Variants in ZNF681 observed in about 807,000 individuals in gnomAD.
ZNF681 encodes zinc finger protein 681, also known as hypothetical protein FLJ31526.
In ZNF681, 37 loss-of-function variants were observed where a neutral mutation model predicts 56.0. That is an observed-to-expected ratio of 0.66 (90% CI 0.51 to 0.87). The LOEUF (loss-of-function observed/expected upper bound fraction) is 0.87, where lower values mean the gene tolerates loss of function less well. ZNF681 is among the 40% of genes least tolerant of loss of function. The pLI, the probability that ZNF681 is intolerant of heterozygous loss-of-function variation, is 0.00. For missense variants in ZNF681, 741 were observed against 744.9 expected, an observed-to-expected ratio of 0.99 and a Z score of 0.06; for synonymous variants, 225 against 248.6, an observed-to-expected ratio of 0.91 and a Z score of 0.89.
At position 23,739,909 on chromosome 19, in the gene ZNF681, A is replaced by G. The variant is rs1420458501; in HGVS notation, c.*3703T>C. On this transcript the variant is annotated 3_prime_UTR_variant, in exon 4 of 4. Coordinates refer to ENST00000402377, the MANE Select transcript of ZNF681 (RefSeq NM_138286.3). The stretch of plus-strand genomic sequence containing the variant: ...ATTACTCCAGGTTTCAAAATCACAG[A>G]GGTCATTTTACTATTTTGCAATGTT... 1 of 152,162 alleles carries G rather than the reference A, an allele frequency of 6.6e-6. No homozygotes were observed. The highest frequency in any genetic ancestry group is 1.5e-5 in the Non-Finnish European group (1 of 68,036). 9.4% of individuals were successfully genotyped at this position (152,162 alleles called of 1,614,324 possible).
At position 23,743,730 on chromosome 19, in the gene ZNF681, C is replaced by T. The variant is rs775928180; in HGVS notation, c.1820G>A (p.Gly607Glu). The change falls in exon 4 of 4, where the codon GGA (glycine) becomes GAA (glutamate). Residue 607 changes from glycine (G) to glutamate (E), a missense_variant. By Grantham distance (98) the Gly-to-Glu change is moderately conservative. Transcript: ENST00000402377. The part of the protein sequence containing the change: ...KAFNQSSNLT[G>E]HKKIHTGEKL... Reference sequence around the variant, plus strand: ...CTCACCAGTATGAATTTTCTTATGTCCAGTAAGGTTTGAGGACTGGTTAAA... The same window carrying T: ...CTCACCAGTATGAATTTTCTTATGTTCAGTAAGGTTTGAGGACTGGTTAAA... 6.2e-7 allele frequency: 1 copy of T among 1,612,774 alleles called. No individual in the cohort carries two copies. Among genetic ancestry groups the T allele is most frequent in the Admixed American group, 1.7e-5 (1 of 59,856 alleles).
Position 23,744,282 on chromosome 19 carries a change from TGGTA to T in ZNF681, c.1264_1267del (p.Tyr422SerfsTer132). The T allele has an allele frequency of 6.2e-7, 1 of 1,613,718 alleles. No individual in the cohort carries two copies. Among genetic ancestry groups the T allele is most frequent in the Non-Finnish European group, 8.5e-7 (1 of 1,179,856 alleles). On this transcript the variant is annotated frameshift_variant, in exon 4 of 4. Coordinates refer to ENST00000402377, the MANE Select transcript of ZNF681 (RefSeq NM_138286.3). LOFTEE classifies it high-confidence loss of function. ...AGAAGCTTTGCCACATTTTTCACAC[TGGTA>T]GGGTTTTTCTCCAGTATGAATGCTC... is the stretch of plus-strand genomic sequence containing the variant.
At chr19:23,745,449 ATTTTTTT>A in intron 3 of ZNF681, 126 bp from the exon 4 acceptor site, 1 of 480,936 alleles carries the variant, frequency 2.1e-6, no homozygotes, top group Non-Finnish European at 3.2e-6. Context: ...AAAGGCCCTA[ATTTTTTT>A]TTTTTTTTTT....
At chr19:23,745,414 A>G in intron 3 of ZNF681, 91 bp from the exon 4 acceptor site, 7 of 1,094,434 alleles carry the variant, frequency 6.4e-6, no homozygotes, top group Non-Finnish European at 8.5e-6. Flanking sequence ...CAAATTACAT[A>G]AGCAAGATGG....
At chr19:23,745,381 C>T in intron 3 of ZNF681, 58 bp from the exon 4 acceptor site, 14 of 1,314,908 alleles carry the variant, frequency 1.1e-5, no homozygotes, top group Non-Finnish European at 1.4e-5. Context: ...ATATACTTTA[C>T]AAATCCAACC....
At chr19:23,755,329 C>T in intron 2 of ZNF681, 96 bp downstream of exon 2, 2 of 1,432,472 alleles carry the variant, frequency 1.4e-6, no homozygotes, top group Middle Eastern at 1.9e-4. Context: ...CTGAAACTCA[C>T]TTATGCAAAG....
intron 3 of ZNF681, among the ~76,000 whole-genome samples, chr19:23,746,086 A>G (rs71357993): frequency 6.6e-6 from 1 of 152,072 alleles, no homozygotes; most frequent in Non-Finnish European, 1.5e-5. Context: ...AGGCCAAGGC[A>G]GGCAAATCAA....
Position 23,744,741 on chromosome 19 carries a change from G to A in ZNF681, c.809C>T (p.Thr270Ile). The A allele has an allele frequency of 3.1e-6, 5 of 1,613,744 alleles. No homozygotes were observed. Among genetic ancestry groups the A allele is most frequent in the Non-Finnish European group, 4.2e-6 (5 of 1,179,802 alleles). ...SKAFNLSSHITTHTIIHTGEN... is the reference protein window; with the variant it reads ...SKAFNLSSHIITHTIIHTGEN... Reference sequence around the variant, plus strand: ...TCCAGTATGAATTATTGTATGTGTTGTAATGTGTGACGACAGGTTAAAGGC... The same window carrying A: ...TCCAGTATGAATTATTGTATGTGTTATAATGTGTGACGACAGGTTAAAGGC... The change falls in exon 4 of 4, where the codon ACA (threonine) becomes ATA (isoleucine). Residue 270 changes from threonine to isoleucine, a missense_variant. By Grantham distance (89) the Thr-to-Ile change is moderately conservative. Coordinates refer to ENST00000402377, the MANE Select transcript of ZNF681 (RefSeq NM_138286.3).
At chr19:23,756,643 G>C (rs1439120517) in intron 1 of ZNF681, among the ~76,000 whole-genome samples, 4 of 151,932 alleles carry the variant, frequency 2.6e-5, no homozygotes, top group Non-Finnish European at 4.4e-5. Flanking sequence ...GGCCAGTCGG[G>C]GGGTGGAGGG....
At chr19:23,752,588 T>A (rs1250238261) in intron 3 of ZNF681, among the ~76,000 whole-genome samples, 1 of 151,806 alleles carries the variant, frequency 6.6e-6, no homozygotes, top group Non-Finnish European at 1.5e-5. Context: ...AGAAATTCAG[T>A]CTGTCTAAAA....
chr19:23,753,295 A>G (rs2144851197), intron 3 of ZNF681, among the ~76,000 whole-genome samples: 1 of 152,424 alleles, frequency 6.6e-6, no homozygotes, highest in African/African-American at 2.4e-5. Flanking sequence ...GCTACTTGGG[A>G]GGCTGAGGCA....
chr19:23,748,485 AG>A (rs1968978131), intron 3 of ZNF681, among the ~76,000 whole-genome samples: 1 of 152,182 alleles, frequency 6.6e-6, no homozygotes, highest in South Asian at 2.1e-4. Flanking sequence ...TAAGTAAAGC[AG>A]CTGACAGACA....
chr19:23,748,830 C>A (rs1968983641), intron 3 of ZNF681, among the ~76,000 whole-genome samples: 1 of 151,940 alleles, frequency 6.6e-6, no homozygotes, highest in Non-Finnish European at 1.5e-5. Context: ...AAACTCAAAC[C>A]AATTAGAATG....
chr19:23,747,594 C>T (rs1414269346), intron 3 of ZNF681, among the ~76,000 whole-genome samples: 5 of 134,714 alleles, frequency 3.7e-5, no homozygotes, highest in African/African-American at 5.6e-5. Context: ...GAGCCGAGAT[C>T]GTGCCACTGC....
In ZNF681 at chr19:23,755,556, AAAAC is replaced by A. The variant is rs1303159460; in HGVS notation, c.4-9_4-6del. The A allele has an allele frequency of 7.4e-7, 1 of 1,360,084 alleles. No homozygotes were observed. The highest frequency in any genetic ancestry group is 1.3e-5 in the South Asian group (1 of 78,780). 84.3% of individuals were successfully genotyped at this position (1,360,084 alleles called of 1,614,324 possible). ...ATCCCTAAATTTCAATGGTTCCTGA[AAAAC>A]ACACACACACACACACACACACACA... On this transcript the variant is annotated splice_polypyrimidine_tract_variant and splice_region_variant and intron_variant, in intron 1 of 3. Coordinates refer to ENST00000402377, the MANE Select transcript of ZNF681 (RefSeq NM_138286.3).
At position 23,744,292 on chromosome 19, in the gene ZNF681, T is replaced by G; in HGVS notation, c.1258A>C (p.Lys420Gln). 6.2e-7 allele frequency: 1 copy of G among 1,613,776 alleles called. No individual in the cohort carries two copies. Among genetic ancestry groups the G allele is most frequent in the Non-Finnish European group, 8.5e-7 (1 of 1,179,894 alleles). ...TRHKSIHTGE[K>Q]PYQCEKCGKA... ...CCACATTTTTCACACTGGTAGGGTT[T>G]TTCTCCAGTATGAATGCTCTTATGT... Residue 420 changes from lysine (K) to glutamine (Q), a missense_variant, in exon 4 of 4, where the codon AAA (lysine) becomes CAA (glutamine). Transcript: ENST00000402377.
chr19:23,750,987 G>C (rs1422416411), intron 3 of ZNF681, among the ~76,000 whole-genome samples: 1 of 151,564 alleles, frequency 6.6e-6, no homozygotes, highest in Non-Finnish European at 1.5e-5. Context: ...AAATTAACCA[G>C]GCATGGTGGC....
rs1002195554 is a variant in ZNF681, at chr19:23,758,861, G to T, written c.-112C>A. Reference sequence around the variant, plus strand: ...GAAGAGGACACAGAGCAGTGAAGACGAGACCCGGAGCTCGGGCTGAAGGGA... The same window carrying T: ...GAAGAGGACACAGAGCAGTGAAGACTAGACCCGGAGCTCGGGCTGAAGGGA... On this transcript the variant is annotated 5_prime_UTR_variant, in exon 1 of 4. Coordinates refer to ENST00000402377, the MANE Select transcript of ZNF681 (RefSeq NM_138286.3). 6 of 1,464,570 alleles carry T rather than the reference G, an allele frequency of 4.1e-6. No individual in the cohort carries two copies. The highest frequency in any genetic ancestry group is 5.6e-6 in the Non-Finnish European group (6 of 1,065,038). 90.7% of individuals were successfully genotyped at this position (1,464,570 alleles called of 1,614,324 possible). A position where few individuals can be genotyped will look rare whatever the true frequency, so the allele number is the denominator to read the frequency against.
In ZNF681 at chr19:23,743,797, T is replaced by C; in HGVS notation, c.1753A>G (p.Thr585Ala). The change falls in exon 4 of 4, where the codon ACT (threonine) becomes GCT (alanine). Residue 585 changes from threonine to alanine, a missense_variant. Coordinates refer to ENST00000402377, the MANE Select transcript of ZNF681 (RefSeq NM_138286.3). ...SHLTRHKRIH[T>A]GEKPYQCEKC... ...TCACATTGGTAGGGTTTCTCTCCAG[T>C]ATGAATTCTCTTATGTCTAGTAAGG... The C allele has an allele frequency of 6.2e-7, 1 of 1,613,606 alleles. No individual in the cohort carries two copies. Among genetic ancestry groups the C allele is most frequent in the Non-Finnish European group, 8.5e-7 (1 of 1,179,806 alleles).
Sources: allele counts gnomAD v4.1 joint callset (sites outside exome capture counted in the v4.1 genomes callset), GRCh38; gene constraint gnomAD v4.1.1; transcripts MANE v1.5; gene names NCBI Gene and HGNC (gene_info 2026-07-23, HGNC 2026-07-21).